The following PRKCH variants were observed in gnomAD, a reference collection of about 807,000 sequenced individuals.
PRKCH encodes the protein protein kinase C eta, also known as protein kinase C eta type.
Under a neutral mutation model 82.5 loss-of-function variants are expected in PRKCH, and 28 were observed. The observed-to-expected ratio is 0.34, with a 90% CI of 0.25 to 0.47. The LOEUF (loss-of-function observed/expected upper bound fraction) is 0.47, where lower values mean the gene tolerates loss of function less well. PRKCH is among the 20% of genes least tolerant of loss of function. The probability of loss-of-function intolerance (pLI) is 1.00; values close to 1 mark genes in which losing one functional copy is unlikely to be tolerated. For missense variants in PRKCH, 705 were observed against 881.8 expected (o/e 0.80, Z 2.54); for synonymous variants, 322 against 327.4 (o/e 0.98, Z 0.18).
intron 3 of PRKCH, among the ~76,000 whole-genome samples, chr14:61,445,231 G>A (rs1417099585): frequency 1.3e-5 from 2 of 152,242 alleles, no homozygotes; most frequent in Non-Finnish European, 2.9e-5. Context: ...GGACTCCAGG[G>A]GTGATATGGA....
rs75978284 is a variant in PRKCH at position 61,500,882 on chromosome 14, C to G, written c.1433+15226C>G. 8.2e-3 allele frequency among the ~76,000 whole-genome samples: 1,255 copies of G among 152,132 alleles called. 46 individuals carry two copies. The East Asian group carries it at 0.098, about 12-fold the overall frequency. On this transcript the variant is annotated intron_variant, in intron 10 of 13. Transcript: ENST00000332981. Reference sequence around the variant, plus strand: ...AATAGAGGTACCTATGGAACTCCTTCAAATGGTCCATCTCAAAGTTGGAAA... The same window carrying G: ...AATAGAGGTACCTATGGAACTCCTTGAAATGGTCCATCTCAAAGTTGGAAA...
intron 1 of PRKCH, among the ~76,000 whole-genome samples, chr14:61,291,323 C>CTTTTTTTTTTTT (rs533117559): frequency 1.0e-5 from 1 of 96,692 alleles, no homozygotes; most frequent in Non-Finnish European, 2.0e-5. Flanking sequence ...CCCTCTGGTT[C>CTTTTTTTTTTTT]TTTTTTTTTT....
chr14:61,195,646 G>T (rs1249897939), intron 1 of PRKCH, among the ~76,000 whole-genome samples: 2 of 152,196 alleles, frequency 1.3e-5, no homozygotes, highest in African/African-American at 4.8e-5. Flanking sequence ...ATATCTCCCG[G>T]GAAGACACCT....
rs189900579 is a variant in PRKCH at position 61,341,605 on chromosome 14, T to C, written c.363+19141T>C. On this transcript the variant is annotated intron_variant, in intron 1 of 13. Transcript: ENST00000332981. ...ACAGTTTCATCATAGGGTAGTTGAG[T>C]TTAGGAATAGGAATGGGTACGGGAT... Among the ~76,000 whole-genome samples, 3 of 151,964 alleles carry C rather than the reference T, an allele frequency of 2.0e-5. No individual in the cohort carries two copies. The East Asian group carries it at 5.8e-4, about 29-fold the overall frequency.
intron 10 of PRKCH, among the ~76,000 whole-genome samples, chr14:61,513,358 A>C (rs2042775840): frequency 6.6e-6 from 1 of 152,180 alleles, no homozygotes; most frequent in Admixed American, 6.5e-5. Context: ...CAGGGAAACC[A>C]ACAGATGCAA....
chr14:61,472,052 A>G (rs1465325695), intron 9 of PRKCH, among the ~76,000 whole-genome samples: 1 of 152,154 alleles, frequency 6.6e-6, no homozygotes, highest in Admixed American at 6.5e-5. Context: ...CTGCACTGAC[A>G]GTGGCATTGT....
At chr14:61,251,286 A>G (rs2044943864) in intron 1 of PRKCH, among the ~76,000 whole-genome samples, 1 of 152,196 alleles carries the variant, frequency 6.6e-6, no homozygotes, top group South Asian at 2.1e-4. Flanking sequence ...TGTGCTATCA[A>G]GTACTAGGTC....
intron 10 of PRKCH, among the ~76,000 whole-genome samples, chr14:61,498,474 C>G (rs1044103544): frequency 1.3e-5 from 2 of 152,186 alleles, no homozygotes; most frequent in African/African-American, 4.8e-5. Flanking sequence ...AGTCACAAAG[C>G]CATTGTCTTA....
At chr14:61,478,163 T>C (rs143680519) in intron 9 of PRKCH, among the ~76,000 whole-genome samples, 97 of 152,350 alleles carry the variant, frequency 6.4e-4, no homozygotes, top group African/African-American at 2.2e-3. Flanking sequence ...GCATTTCACT[T>C]ATGGTATGCC....
At chr14:61,327,748 T>G (rs1385910867) in intron 1 of PRKCH, among the ~76,000 whole-genome samples, 1 of 152,246 alleles carries the variant, frequency 6.6e-6, no homozygotes, top group East Asian at 1.9e-4. Flanking sequence ...TTATTCACTG[T>G]CCTAACCCTG....
At chr14:61,405,380 C>CTT (rs55977918) in intron 2 of PRKCH, among the ~76,000 whole-genome samples, 10,466 of 145,342 alleles carry the variant, frequency 0.072, 603 homozygotes, top group East Asian at 0.32. Context: ...ATCTTCTGCT[C>CTT]TTTTTTTTTT....
At chr14:61,214,849 A>C (rs563738930) in intron 1 of PRKCH, among the ~76,000 whole-genome samples, 1 of 152,336 alleles carries the variant, frequency 6.6e-6, no homozygotes, top group East Asian at 1.9e-4. Context: ...CCAGCAAATC[A>C]TTTAAAAATC....
At position 61,340,375 on chromosome 14, in the gene PRKCH, G is replaced by C. The variant is rs1442639610; in HGVS notation, c.363+17911G>C. On this transcript the variant is annotated intron_variant, in intron 1 of 13. Transcript: ENST00000332981. The stretch of plus-strand genomic sequence containing the variant: ...ATATTGGTGTTCCCCAGGTGGGAGG[G>C]GGCGGGGTGGGGGGCGGGGGTGGGT... Among the ~76,000 whole-genome samples, 7 of 148,796 alleles carry C rather than the reference G, an allele frequency of 4.7e-5. No individual in the cohort carries two copies. In the East Asian group the frequency reaches 1.4e-3, roughly 30 times the overall value.
At chr14:61,304,752 A>C (rs948951231) in intron 1 of PRKCH, 1 of 151,688 alleles carries the variant, frequency 6.6e-6, no homozygotes, top group Non-Finnish European at 1.5e-5. Flanking sequence ...TGAGCTTAGG[A>C]GGTTGAGGCT....
At chr14:61,228,064 G>A (rs1443554747) in intron 1 of PRKCH, among the ~76,000 whole-genome samples, 1 of 152,098 alleles carries the variant, frequency 6.6e-6, no homozygotes, top group Non-Finnish European at 1.5e-5. Flanking sequence ...TGTCCCAAAG[G>A]AAGGAGGACT....
intron 9 of PRKCH, among the ~76,000 whole-genome samples, chr14:61,480,010 G>A (rs1055782841): frequency 3.9e-5 from 6 of 152,204 alleles, no homozygotes; most frequent in Non-Finnish European, 7.3e-5. Flanking sequence ...TAGCCACTTG[G>A]CTTTAGAAGT....
At chr14:61,214,590 G>C (rs2044604140) in intron 1 of PRKCH, among the ~76,000 whole-genome samples, 1 of 152,022 alleles carries the variant, frequency 6.6e-6, no homozygotes, top group Admixed American at 6.5e-5. Flanking sequence ...CTAAGATCTT[G>C]GTGTCAGTAT....
chr14:61,529,255 C>T (rs777962511), intron 11 of PRKCH, 42 bp downstream of exon 11: 2 of 1,562,372 alleles, frequency 1.3e-6, no homozygotes, highest in South Asian at 2.3e-5. Flanking sequence ...TCTGAGCTCT[C>T]CAGTAACTCT....
intron 1 of PRKCH, among the ~76,000 whole-genome samples, chr14:61,191,424 G>A (rs889520826): frequency 6.6e-6 from 1 of 152,216 alleles, no homozygotes; most frequent in Non-Finnish European, 1.5e-5. Context: ...TGTAATCCCA[G>A]CATTTTAGGA....
Sources: allele counts gnomAD v4.1 joint callset (sites outside exome capture counted in the v4.1 genomes callset), GRCh38; gene constraint gnomAD v4.1.1; transcripts MANE v1.5; gene names NCBI Gene and HGNC (gene_info 2026-07-23, HGNC 2026-07-21).